CPQ: variants seen among roughly 807,000 people sequenced by gnomAD.
CPQ encodes the protein Ser-Met dipeptidase.
CPQ carries 37 observed loss-of-function variants against 45.7 expected under a neutral mutation model. The ratio of observed to expected loss-of-function variants is 0.81; its 90% CI spans 0.62 to 1.07. The LOEUF is 1.07. Ranked by LOEUF, CPQ falls within the 50% of genes least tolerant of loss-of-function variation. CPQ has a pLI of 0.00. For missense variants in CPQ, 537 were observed against 572.9 expected (o/e 0.94, Z 0.64); for synonymous variants, 186 against 205.8 (o/e 0.90, Z 0.82).
chr8:97,130,950 C>T (rs1034774725), intron 7 of CPQ, among the ~76,000 whole-genome samples: 2 of 152,040 alleles, frequency 1.3e-5, no homozygotes, highest in Non-Finnish European at 2.9e-5. Flanking sequence ...AAAGAGGCTG[C>T]GTTGAGCTGC....
At chr8:96,709,234 C>A (rs1359048604) in intron 1 of CPQ, among the ~76,000 whole-genome samples, 5 of 151,890 alleles carry the variant, frequency 3.3e-5, no homozygotes, top group Non-Finnish European at 5.9e-5. Context: ...TTTTTTTAAT[C>A]CCTCACCCCT....
At chr8:96,803,824 C>T (rs1055096253) in intron 2 of CPQ, among the ~76,000 whole-genome samples, 1 of 152,194 alleles carries the variant, frequency 6.6e-6, no homozygotes, top group Non-Finnish European at 1.5e-5. Flanking sequence ...TACTGTGAGC[C>T]TGATTATGGC....
intron 5 of CPQ, among the ~76,000 whole-genome samples, chr8:96,972,182 G>A (rs937825583): frequency 2.7e-4 from 41 of 152,272 alleles, no homozygotes; most frequent in African/African-American, 8.7e-4. Flanking sequence ...GAGTGAGACC[G>A]GCCTTCAGGA....
chr8:96,807,047 T>C (rs1811088170), intron 2 of CPQ, among the ~76,000 whole-genome samples: 1 of 152,160 alleles, frequency 6.6e-6, no homozygotes, highest in African/African-American at 2.4e-5. Context: ...GAAGTATGTT[T>C]TATATTCTCT....
chr8:97,139,203 A>G lies in CPQ; in HGVS notation c.1256-3817A>G, dbSNP rs557389633. The stretch of plus-strand genomic sequence containing the variant: ...TGAGTTTTCAATTTACCAGGGATAC[A>G]TAATTTTAAATTTGTATACCCCTAA... On this transcript the variant is annotated intron_variant, in intron 7 of 7. Transcript: ENST00000220763. 3.3e-5 allele frequency among the ~76,000 whole-genome samples: 5 copies of G among 152,334 alleles called. No homozygotes were observed. The East Asian group carries it at 9.6e-4, about 29-fold the overall frequency.
intron 1 of CPQ, among the ~76,000 whole-genome samples, chr8:96,672,970 A>G (rs1184290593): frequency 6.6e-6 from 1 of 152,134 alleles, no homozygotes; most frequent in Admixed American, 6.6e-5. Context: ...AACCAAGATG[A>G]AGGTGTACTG....
At chr8:96,664,642 T>C (rs909027175) in intron 1 of CPQ, among the ~76,000 whole-genome samples, 1 of 152,138 alleles carries the variant, frequency 6.6e-6, no homozygotes, top group Non-Finnish European at 1.5e-5. Context: ...AAATTCAAAA[T>C]TACCTTTGAG....
chr8:96,732,345 G>A (rs1809922904), intron 1 of CPQ: 1 of 152,164 alleles, frequency 6.6e-6, no homozygotes. Flanking sequence ...TTCCAGAGAA[G>A]CTTTCTTTTC....
intron 5 of CPQ, among the ~76,000 whole-genome samples, chr8:97,013,679 G>A (rs1809530009): frequency 6.6e-6 from 1 of 152,188 alleles, no homozygotes; most frequent in Admixed American, 6.5e-5. Flanking sequence ...GAAAGAAAGT[G>A]AGGAGGCCAA....
chr8:97,068,397 C>T (rs911663641), intron 7 of CPQ, among the ~76,000 whole-genome samples: 6 of 151,930 alleles, frequency 3.9e-5, no homozygotes, highest in African/African-American at 1.2e-4. Flanking sequence ...TTTGGGAGGC[C>T]GAGGTGGGTA....
At chr8:97,010,383 C>A (rs1197587912) in intron 5 of CPQ, among the ~76,000 whole-genome samples, 2 of 152,098 alleles carry the variant, frequency 1.3e-5, no homozygotes. Context: ...TGACATTGTG[C>A]AAATTGCTTA....
At chr8:96,828,152 C>T (rs917489711) in intron 2 of CPQ, among the ~76,000 whole-genome samples, 9 of 152,034 alleles carry the variant, frequency 5.9e-5, no homozygotes, top group Admixed American at 5.9e-4. Context: ...TGCCCTGTCC[C>T]AATCTAAGCC....
At position 96,746,151 on chromosome 8, in the gene CPQ, GTC is replaced by G. The variant is rs367935842; in HGVS notation, c.-34-38711_-34-38710del. ...CCTATTTGATGATGACTTGATGAAA[GTC>G]TATTTGGCCTGTTTAGATAGGAGAA... On this transcript the variant is annotated intron_variant, in intron 1 of 7. Transcript: ENST00000220763. Among the ~76,000 whole-genome samples, 505 of 152,280 alleles carry G rather than the reference GTC, an allele frequency of 3.3e-3. 7 individuals carry two copies. Among genetic ancestry groups the G allele is most frequent in the African/African-American group, 0.012 (480 of 41,558 alleles).
rs117350806 is a variant in CPQ, at chr8:97,050,143, T to G, written c.1054-15866T>G. Among the ~76,000 whole-genome samples, 718 of 152,318 alleles carry G rather than the reference T, an allele frequency of 4.7e-3. 2 individuals carry two copies. Among genetic ancestry groups the G allele is most frequent in the Non-Finnish European group, 8.1e-3 (550 of 68,018 alleles). Reference sequence around the variant, plus strand: ...CTCACCTTGAACACTCTAGAGTCTATTCTGAAGATTTGGCGATTTCTATTG... The same window carrying G: ...CTCACCTTGAACACTCTAGAGTCTAGTCTGAAGATTTGGCGATTTCTATTG... On this transcript the variant is annotated intron_variant, in intron 6 of 7. Transcript: ENST00000220763.
chr8:96,853,477 G>A (rs779793331), intron 3 of CPQ, among the ~76,000 whole-genome samples: 19 of 151,872 alleles, frequency 1.3e-4, no homozygotes, highest in Non-Finnish European at 1.6e-4. Context: ...TGCTGTTACT[G>A]GTCACTTAAC....
chr8:96,718,104 AG>A (rs1188662995), intron 1 of CPQ, among the ~76,000 whole-genome samples: 1 of 152,202 alleles, frequency 6.6e-6, no homozygotes, highest in Admixed American at 6.5e-5. Context: ...CCCTAGAAGC[AG>A]GGGCACACTG....
intron 2 of CPQ, among the ~76,000 whole-genome samples, chr8:96,811,407 A>G (rs1243928242): frequency 1.3e-5 from 2 of 152,100 alleles, no homozygotes; most frequent in Non-Finnish European, 2.9e-5. Context: ...ATTATTTGGA[A>G]CAAAATGGAA....
chr8:96,744,488 T>C (rs1396318192), intron 1 of CPQ, among the ~76,000 whole-genome samples: 2 of 152,250 alleles, frequency 1.3e-5, no homozygotes, highest in Non-Finnish European at 2.9e-5. Flanking sequence ...TATTCGGCCA[T>C]CTTGGCTCCT....
intron 1 of CPQ, among the ~76,000 whole-genome samples, chr8:96,766,524 T>C (rs1249597148): frequency 1.3e-5 from 2 of 152,000 alleles, no homozygotes; most frequent in Non-Finnish European, 2.9e-5. Flanking sequence ...TAGGTGGGTG[T>C]GGAACAGAAC....
Sources: allele counts gnomAD v4.1 joint callset (sites outside exome capture counted in the v4.1 genomes callset), GRCh38; gene constraint gnomAD v4.1.1; transcripts MANE v1.5; gene names NCBI Gene and HGNC (gene_info 2026-07-23, HGNC 2026-07-21).